Variants in TG observed in about 807,000 individuals in gnomAD.
TG encodes the protein thyroglobulin.
Under a neutral mutation model 324.7 loss-of-function variants are expected in TG, and 270 were observed. The ratio of observed to expected loss-of-function variants is 0.83; its 90% CI spans 0.75 to 0.92. The LOEUF (loss-of-function observed/expected upper bound fraction) is 0.92, where lower values mean the gene tolerates loss of function less well. Ranked by LOEUF, TG falls within the 40% of genes least tolerant of loss-of-function variation. The probability of loss-of-function intolerance (pLI) is 0.00; values close to 1 mark genes in which losing one functional copy is unlikely to be tolerated. For missense variants in TG, 3,591 were observed against 3,456.4 expected (o/e 1.04, Z -0.98); for synonymous variants, 1,401 against 1,327.0 (o/e 1.06, Z -1.21).
intron 41 of TG, chr8:133,038,758 C>T (rs753771299): frequency 6.4e-7 from 1 of 1,569,744 alleles, no homozygotes; most frequent in Non-Finnish European, 8.7e-7. Flanking sequence ...GAAGAAAAGG[C>T]AGTAGAGAAA....
chr8:132,888,305 T>C lies in TG; in HGVS notation c.2498T>C (p.Phe833Ser). Residue 833 changes from phenylalanine to serine, a missense_variant, in exon 10 of 48, where the codon TTC (phenylalanine) becomes TCC (serine). By Grantham distance (155) the Phe-to-Ser change is radical. Transcript: ENST00000220616. Reference protein sequence around the residue: ...SLYEAGQQDVFPVLSQYPSLQ... With the variant: ...SLYEAGQQDVSPVLSQYPSLQ... The stretch of plus-strand genomic sequence containing the variant: ...TATGAGGCTGGCCAGCAAGATGTCT[T>C]CCCGGTGCTGTCACAATACCCTTCT... 1 of 1,614,100 alleles carries C rather than the reference T, an allele frequency of 6.2e-7. No individual in the cohort carries two copies. The highest frequency in any genetic ancestry group is 8.5e-7 in the Non-Finnish European group (1 of 1,180,010).
At chr8:132,870,041 C>T (rs2132036851) in intron 3 of TG, among the ~76,000 whole-genome samples, 1 of 152,252 alleles carries the variant, frequency 6.6e-6, no homozygotes, top group African/African-American at 2.4e-5. Context: ...TAAATATCTA[C>T]CCAGTTCCTC....
chr8:132,964,836 G>T, intron 29 of TG: 1 of 698,106 alleles, frequency 1.4e-6, no homozygotes. Flanking sequence ...GACAGGTGTC[G>T]GTTGCAGTGA....
chr8:133,050,308 G>A (rs2131216367), intron 41 of TG: 1 of 389,678 alleles, frequency 2.6e-6, no homozygotes, highest in South Asian at 2.9e-5. Context: ...GTTGATTTAT[G>A]CTCTGCAGTA....
intron 41 of TG, chr8:133,060,111 G>T: frequency 6.2e-7 from 1 of 1,605,484 alleles, no homozygotes; most frequent in Non-Finnish European, 8.5e-7. Context: ...CTCCGGGTTG[G>T]GCAGGGGCCT....
intron 41 of TG, chr8:133,060,286 A>G: frequency 1.3e-6 from 2 of 1,589,002 alleles, no homozygotes; most frequent in South Asian, 2.3e-5. Context: ...AGCATCGTGC[A>G]TCATTTTTCT....
At chr8:133,114,198 C>T (rs957000645) in intron 44 of TG, among the ~76,000 whole-genome samples, 1 of 152,180 alleles carries the variant, frequency 6.6e-6, no homozygotes, top group African/African-American at 2.4e-5. Flanking sequence ...TAGGAACAGC[C>T]CAAGCTCTGA....
chr8:132,913,469 T>C (rs561774148), intron 20 of TG, among the ~76,000 whole-genome samples: 2 of 152,300 alleles, frequency 1.3e-5, no homozygotes, highest in Admixed American at 6.5e-5. Flanking sequence ...GAGCCCCATA[T>C]TTGCAGTGAT....
At chr8:133,031,229 T>C (rs1353971996) in intron 41 of TG, among the ~76,000 whole-genome samples, 1 of 152,214 alleles carries the variant, frequency 6.6e-6, no homozygotes, top group Non-Finnish European at 1.5e-5. Flanking sequence ...TTTGTCCTAA[T>C]GTGTCTGGCT....
intron 27 of TG, among the ~76,000 whole-genome samples, chr8:132,954,888 C>T (rs2739077): frequency 0.49 from 74,899 of 151,720 alleles, 20,719 homozygotes; most frequent in Non-Finnish European, 0.61. Flanking sequence ...CTGCTTCACT[C>T]TGGGAAGTGG....
At chr8:132,987,244 A>T (rs1424740562) in intron 35 of TG, among the ~76,000 whole-genome samples, 3 of 152,206 alleles carry the variant, frequency 2.0e-5, no homozygotes, top group Non-Finnish European at 4.4e-5. Flanking sequence ...TAAAATTCCC[A>T]AATTAGAACT....
intron 41 of TG, among the ~76,000 whole-genome samples, chr8:133,078,727 A>T (rs1845279642): frequency 1.3e-5 from 2 of 152,246 alleles, no homozygotes; most frequent in Admixed American, 1.3e-4. Context: ...GGCCCAGAAC[A>T]AAACAATGTT....
chr8:132,882,132 G>C (rs1168241844), intron 6 of TG, among the ~76,000 whole-genome samples, 163 bp downstream of exon 6: 1 of 152,242 alleles, frequency 6.6e-6, no homozygotes, highest in Non-Finnish European at 1.5e-5. Flanking sequence ...CTGTCATCTT[G>C]CAGTATGGTG....
chr8:133,113,284 C>T (rs1564204198), intron 43 of TG, 138 bp from the exon 44 acceptor site: 5 of 935,064 alleles, frequency 5.3e-6, no homozygotes, highest in Non-Finnish European at 8.3e-6. Flanking sequence ...CGAACTCAGA[C>T]AGTCTGGCTT....
Position 132,967,882 on chromosome 8 carries a change from A to G in TG, c.5775A>G (p.Ala1925=), listed in dbSNP as rs758783328. 1.9e-6 allele frequency: 3 copies of G among 1,613,904 alleles called. No individual in the cohort carries two copies. The highest frequency in any genetic ancestry group is 2.5e-6 in the Non-Finnish European group (3 of 1,179,952). The change falls in exon 31 of 48, where the codon GCA becomes GCG. Residue 1925 remains alanine, a synonymous_variant. Coordinates refer to ENST00000220616, the MANE Select transcript of TG (RefSeq NM_003235.5). The stretch of plus-strand genomic sequence containing the variant: ...TCACCTGCACCCTCTACCCAGAGGC[A>G]CAGGTGTGTGATGACATCATGGAGT... ...LYFTCTLYPE[A]QVCDDIMESN...
At chr8:132,890,638 G>A (rs1417308906) in intron 10 of TG, among the ~76,000 whole-genome samples, 9 of 152,200 alleles carry the variant, frequency 5.9e-5, no homozygotes, top group African/African-American at 1.9e-4. Flanking sequence ...GCTCTTTTGA[G>A]TCTTAGAGTC....
At chr8:132,988,064 GCACACACACACACACACACACA>G (rs35161639) in intron 35 of TG, among the ~76,000 whole-genome samples, 1 of 134,544 alleles carries the variant, frequency 7.4e-6, no homozygotes, top group Non-Finnish European at 1.6e-5. Flanking sequence ...ACATACACAT[GCACACACACACACACACACACA>G]CACACACACA....
At chr8:133,006,212 C>T (rs1473762200) in intron 35 of TG, among the ~76,000 whole-genome samples, 2 of 152,182 alleles carry the variant, frequency 1.3e-5, no homozygotes, top group Non-Finnish European at 1.5e-5. Flanking sequence ...GTTTAGAACT[C>T]AGAACTGTTT....
chr8:133,127,095 G>A (rs1257530970), intron 45 of TG, among the ~76,000 whole-genome samples: 1 of 152,064 alleles, frequency 6.6e-6, no homozygotes. Context: ...TCAGCAGAAT[G>A]GCTTCCCCAT....
Sources: gnomAD v4.1 joint callset for allele counts (sites outside exome capture counted in the v4.1 genomes callset) on GRCh38, gnomAD v4.1.1 for gene constraint, MANE v1.5 for transcripts, NCBI Gene and HGNC (gene_info 2026-07-23, HGNC 2026-07-21) for gene names.